The following PDZRN4 variants were observed in gnomAD, a reference collection of about 807,000 sequenced individuals.
PDZRN4 encodes PDZ domain containing ring finger 4.
In PDZRN4, 70 loss-of-function variants were observed where a neutral mutation model predicts 99.0. The observed-to-expected ratio is 0.71, with a 90% CI of 0.58 to 0.86. PDZRN4 has a LOEUF of 0.86. Ranked by LOEUF, PDZRN4 falls within the 40% of genes least tolerant of loss-of-function variation. PDZRN4 has a pLI of 0.00. For missense variants in PDZRN4, 1,474 were observed against 1,331.2 expected, an observed-to-expected ratio of 1.11 and a Z score of -1.67; for synonymous variants, 551 against 501.6, an observed-to-expected ratio of 1.10 and a Z score of -1.32.
intron 3 of PDZRN4, among the ~76,000 whole-genome samples, chr12:41,323,345 T>C (rs547192637): frequency 2.4e-4 from 36 of 152,154 alleles, no homozygotes; most frequent in Non-Finnish European, 4.6e-4. Flanking sequence ...TTCTTAGTAA[T>C]ATATGAAAAT....
At chr12:41,567,683 T>A in intron 8 of PDZRN4, 100 bp from the exon 9 acceptor site, 1 of 555,726 alleles carries the variant, frequency 1.8e-6, no homozygotes, top group Admixed American at 3.2e-5. Flanking sequence ...AGAATCATTA[T>A]GATAAAAGGA....
At chr12:41,217,658 T>C (rs982012785) in intron 3 of PDZRN4, among the ~76,000 whole-genome samples, 2 of 152,102 alleles carry the variant, frequency 1.3e-5, no homozygotes, top group Admixed American at 1.3e-4. Context: ...GACTATTCTC[T>C]GGGTAAAACA....
chr12:41,344,605 T>C (rs1951839745), intron 3 of PDZRN4, among the ~76,000 whole-genome samples: 1 of 151,356 alleles, frequency 6.6e-6, no homozygotes, highest in African/African-American at 2.4e-5. Flanking sequence ...AAGAAACAAA[T>C]AGGAAACTGG....
intron 3 of PDZRN4, among the ~76,000 whole-genome samples, chr12:41,227,816 C>T (rs1200358766): frequency 6.8e-6 from 1 of 147,678 alleles, no homozygotes; most frequent in Non-Finnish European, 1.5e-5. Flanking sequence ...AACAAAATGG[C>T]CAAAAGTAGA....
intron 3 of PDZRN4, among the ~76,000 whole-genome samples, chr12:41,325,123 G>A (rs1184219136): frequency 7.2e-5 from 11 of 152,006 alleles, no homozygotes; most frequent in Non-Finnish European, 1.3e-4. Flanking sequence ...GAAATAATAA[G>A]TATTATACCA....
chr12:41,198,406 G>T (rs545180900), intron 3 of PDZRN4, among the ~76,000 whole-genome samples: 1 of 152,186 alleles, frequency 6.6e-6, no homozygotes, highest in East Asian at 1.9e-4. Flanking sequence ...AACTTCTGGA[G>T]ACCAGAGTGG....
chr12:41,218,735 A>G (rs1469920882), intron 3 of PDZRN4, among the ~76,000 whole-genome samples: 1 of 152,144 alleles, frequency 6.6e-6, no homozygotes, highest in East Asian at 1.9e-4. Flanking sequence ...AGATTAAAGT[A>G]TGTTCAAATA....
intron 3 of PDZRN4, among the ~76,000 whole-genome samples, chr12:41,287,287 C>G (rs1043896766): frequency 6.6e-6 from 1 of 152,160 alleles, no homozygotes. Context: ...ACTTCATGAG[C>G]TCAGATTTCT....
chr12:41,437,705 T>C (rs1022675900), intron 3 of PDZRN4: 1 of 1,413,616 alleles, frequency 7.1e-7, no homozygotes. Flanking sequence ...TGCCATGAAC[T>C]GACTGGAAAC....
intron 3 of PDZRN4, among the ~76,000 whole-genome samples, chr12:41,367,050 A>G (rs1035606696): frequency 1.3e-5 from 2 of 152,016 alleles, no homozygotes; most frequent in Admixed American, 1.3e-4. Flanking sequence ...GGGGCATGCA[A>G]CTTCAGCTCC....
intron 3 of PDZRN4, among the ~76,000 whole-genome samples, chr12:41,250,555 T>C (rs1168872370): frequency 1.3e-5 from 2 of 152,198 alleles, no homozygotes; most frequent in Non-Finnish European, 2.9e-5. Flanking sequence ...TTCTGGGAAT[T>C]TAACCATGCC....
Position 41,563,602 on chromosome 12 carries a change from G to T in PDZRN4, c.1420G>T (p.Asp474Tyr), listed in dbSNP as rs773487228. ...AGAAGCAGTGGCCTTGCTGTCTAAC[G>T]ATGAGTGTAAGAGAATCGTGCTGCT... ...REEAVALLSN[D>Y]ECKRIVLLVA... is the part of the protein sequence containing the mutation. The change falls in exon 8 of 10, where the codon GAT becomes TAT. Residue 474 changes from aspartate to tyrosine, a missense_variant. By Grantham distance (160) the Asp-to-Tyr change is radical. Coordinates refer to ENST00000402685, the MANE Select transcript of PDZRN4 (RefSeq NM_001164595.2). 2 of 1,613,590 alleles carry T rather than the reference G, an allele frequency of 1.2e-6. No individual in the cohort carries two copies. Among genetic ancestry groups the T allele is most frequent in the South Asian group, 2.2e-5 (2 of 91,048 alleles).
chr12:41,376,385 TTTG>T (rs1952080598), intron 3 of PDZRN4, among the ~76,000 whole-genome samples: 1 of 152,172 alleles, frequency 6.6e-6, no homozygotes, highest in South Asian at 2.1e-4. Context: ...CTCATAAACA[TTTG>T]TTATCTCTTG....
chr12:41,540,263 A>C (rs1215231627), intron 5 of PDZRN4, among the ~76,000 whole-genome samples: 1 of 152,182 alleles, frequency 6.6e-6, no homozygotes, highest in Admixed American at 6.5e-5. Flanking sequence ...AGCATTTTTT[A>C]ATAATTAATC....
At chr12:41,231,986 G>A (rs555385489) in intron 3 of PDZRN4, among the ~76,000 whole-genome samples, 1 of 151,878 alleles carries the variant, frequency 6.6e-6, no homozygotes, top group Non-Finnish European at 1.5e-5. Flanking sequence ...GTTTTAATAA[G>A]TGAATTATTT....
At chr12:41,337,289 T>G (rs1951782444) in intron 3 of PDZRN4, among the ~76,000 whole-genome samples, 1 of 152,096 alleles carries the variant, frequency 6.6e-6, no homozygotes, top group African/African-American at 2.4e-5. Context: ...GATTTGAGAA[T>G]TTTAAACTTT....
Position 41,404,088 on chromosome 12 carries a change from T to A in PDZRN4, c.844-102368T>A, listed in dbSNP as rs1417842766. On this transcript the variant is annotated intron_variant, in intron 3 of 9. Coordinates refer to ENST00000402685, the MANE Select transcript of PDZRN4 (RefSeq NM_001164595.2). ...TAGTTTAAACCATCTCTAGAATACTTATAATACCTAATACAATGTAAATGA... is the reference window on the plus strand; with the variant it reads ...TAGTTTAAACCATCTCTAGAATACTAATAATACCTAATACAATGTAAATGA... Among the ~76,000 whole-genome samples, 4 of 152,280 alleles carry A rather than the reference T, an allele frequency of 2.6e-5. No individual in the cohort carries two copies. The South Asian group carries it at 8.3e-4, about 32-fold the overall frequency.
At chr12:41,298,101 A>G (rs1951508008) in intron 3 of PDZRN4, among the ~76,000 whole-genome samples, 1 of 152,162 alleles carries the variant, frequency 6.6e-6, no homozygotes, top group Non-Finnish European at 1.5e-5. Context: ...GTCTAAACCT[A>G]TGTTTTAATC....
At chr12:41,495,482 A>G (rs1017060439) in intron 3 of PDZRN4, among the ~76,000 whole-genome samples, 2 of 152,068 alleles carry the variant, frequency 1.3e-5, no homozygotes, top group Non-Finnish European at 2.9e-5. Flanking sequence ...GAATGGCAGC[A>G]TCAGGATACC....
Sources: gnomAD v4.1 joint callset for allele counts (sites outside exome capture counted in the v4.1 genomes callset) on GRCh38, gnomAD v4.1.1 for gene constraint, MANE v1.5 for transcripts, NCBI Gene and HGNC (gene_info 2026-07-23, HGNC 2026-07-21) for gene names.